The following GOLGA7 variants were observed in gnomAD, a reference collection of about 807,000 sequenced individuals.
The protein encoded by GOLGA7 is golgin A7.
A neutral mutation model predicts 21.1 loss-of-function variants in GOLGA7; 10 were observed. That is an observed-to-expected ratio of 0.47 (90% CI 0.29 to 0.80). GOLGA7 has a LOEUF of 0.80. Ranked by LOEUF, GOLGA7 falls within the 30% of genes least tolerant of loss-of-function variation. GOLGA7 has a pLI of 0.08. For synonymous variants in GOLGA7, 64 were observed against 62.6 expected, an observed-to-expected ratio of 1.02 and a Z score of -0.10; for missense variants, 114 against 166.8, an observed-to-expected ratio of 0.68 and a Z score of 1.74.
intron 1 of GOLGA7, among the ~76,000 whole-genome samples, chr8:41,495,864 G>C (rs913713044): frequency 2.0e-5 from 3 of 152,242 alleles, no homozygotes; most frequent in Non-Finnish European, 4.4e-5. Context: ...TTTGAAATCT[G>C]TTATACAAAG....
chr8:41,505,826 C>A, intron 2 of GOLGA7, 85 bp from the exon 3 acceptor site: 1 of 661,108 alleles, frequency 1.5e-6, no homozygotes, highest in South Asian at 2.0e-5. Context: ...AAAACGAATT[C>A]CCACTGCCTA....
chr8:41,503,198 A>G (rs1806191954), intron 2 of GOLGA7, among the ~76,000 whole-genome samples: 2 of 73,572 alleles, frequency 2.7e-5, no homozygotes, highest in East Asian at 8.6e-4. Context: ...CAATGTTACT[A>G]AAGTTTATAA....
intron 2 of GOLGA7, among the ~76,000 whole-genome samples, chr8:41,499,526 G>A (rs1343675259): frequency 1.3e-5 from 2 of 152,152 alleles, no homozygotes; most frequent in Non-Finnish European, 2.9e-5. Flanking sequence ...CTGGAGTCAG[G>A]CCGCTCGATG....
intron 1 of GOLGA7, among the ~76,000 whole-genome samples, chr8:41,494,761 G>A (rs1805966518): frequency 6.6e-6 from 1 of 152,140 alleles, no homozygotes. Flanking sequence ...TTTGAAAAAT[G>A]GGTAGAGCCA....
chr8:41,506,524 A>G (rs905673937), intron 3 of GOLGA7, among the ~76,000 whole-genome samples: 5 of 152,154 alleles, frequency 3.3e-5, no homozygotes, highest in Non-Finnish European at 7.3e-5. Context: ...AATTTGGTAA[A>G]TAAAATTGCA....
At chr8:41,494,063 A>T (rs1260870187) in intron 1 of GOLGA7, among the ~76,000 whole-genome samples, 2 of 152,126 alleles carry the variant, frequency 1.3e-5, no homozygotes, top group African/African-American at 4.8e-5. Context: ...ACTTTTCTTT[A>T]ACCATTTATC....
At chr8:41,504,175 T>C (rs1432038910) in intron 2 of GOLGA7, among the ~76,000 whole-genome samples, 1 of 149,062 alleles carries the variant, frequency 6.7e-6, no homozygotes, top group Non-Finnish European at 1.5e-5. Context: ...AGCAAAGTTA[T>C]GCTTGAACCA....
At chr8:41,491,757 A>G (rs1019996367) in intron 1 of GOLGA7, among the ~76,000 whole-genome samples, 1 of 151,830 alleles carries the variant, frequency 6.6e-6, no homozygotes, top group African/African-American at 2.4e-5. Context: ...GTGTGCCCAC[A>G]TATGTACATT....
In GOLGA7 at chr8:41,510,089, T is replaced by C. The variant is rs1043869; in HGVS notation, c.*521T>C. On this transcript the variant is annotated 3_prime_UTR_variant, in exon 5 of 5. Transcript: ENST00000357743. The stretch of plus-strand genomic sequence containing the variant: ...CACCTCCCAGATTTCAAAGAATTAC[T>C]GGTTTTACCATGACTCAAATCTTAA... 0.16 allele frequency: 23,868 copies of C among 152,694 alleles called. 2,149 individuals carry two copies. Among genetic ancestry groups the C allele is most frequent in the Middle Eastern group, 0.29 (85 of 294 alleles). 9.5% of individuals were successfully genotyped at this position (152,694 alleles called of 1,614,324 possible).
intron 2 of GOLGA7, among the ~76,000 whole-genome samples, chr8:41,499,125 C>T (rs1388983796): frequency 6.6e-6 from 1 of 152,120 alleles, no homozygotes; most frequent in Non-Finnish European, 1.5e-5. Flanking sequence ...AGGAAAAGTT[C>T]TCTTGTCCCC....
chr8:41,490,996 GGC>G lies in GOLGA7; in HGVS notation c.111+33_111+34del. The stretch of plus-strand genomic sequence containing the variant: ...CAACCTGGCTCCCCACGCCTGCTCT[GGC>G]GAGGGAGAGAGACTCACCGGGGACG... On this transcript the variant is annotated intron_variant, in intron 1 of 4. Transcript: ENST00000357743. 3 of 1,251,036 alleles carry G rather than the reference GGC, an allele frequency of 2.4e-6. No individual in the cohort carries two copies. In the South Asian group the frequency reaches 3.8e-5, roughly 16 times the overall value. 77.5% of individuals were successfully genotyped at this position (1,251,036 alleles called of 1,614,324 possible). A position where few individuals can be genotyped will look rare whatever the true frequency, so the allele number is the denominator to read the frequency against.
chr8:41,490,920 A>G lies in GOLGA7; in HGVS notation c.66A>G (p.Thr22=), dbSNP rs1368518270. ...TTCAGCGAGACTACAGCAGTGGCAC[A>G]CGCTGCCAGTTCCAGACCAAGTTCC... ...VFIQRDYSSG[T]RCQFQTKFPA... The change falls in exon 1 of 5, where the codon ACA becomes ACG. Residue 22 remains threonine, a synonymous_variant. Coordinates refer to ENST00000357743, the MANE Select transcript of GOLGA7 (RefSeq NM_001002296.2). 1 of 1,600,224 alleles carries G rather than the reference A, an allele frequency of 6.2e-7. No individual in the cohort carries two copies. The highest frequency in any genetic ancestry group is 1.1e-5 in the South Asian group (1 of 88,920).
intron 1 of GOLGA7, among the ~76,000 whole-genome samples, chr8:41,494,631 A>G (rs959061893): frequency 6.6e-6 from 1 of 152,160 alleles, no homozygotes; most frequent in Non-Finnish European, 1.5e-5. Flanking sequence ...ACCAGCCTTG[A>G]CACCACATCT....
rs941031139 is a variant in GOLGA7 at position 41,509,771 on chromosome 8, A to G, written c.*203A>G. On this transcript the variant is annotated 3_prime_UTR_variant, in exon 5 of 5. Transcript: ENST00000357743. ...CGCTCAGCATCCACTTTGTGTCTCC[A>G]AATTGTGTAGGACTCTGTAATCTTT... is the stretch of plus-strand genomic sequence containing the variant. The G allele has an allele frequency of 2.0e-5, 3 of 152,672 alleles. No homozygotes were observed. Among genetic ancestry groups the G allele is most frequent in the African/African-American group, 7.2e-5 (3 of 41,450 alleles). 9.5% of individuals were successfully genotyped at this position (152,672 alleles called of 1,614,324 possible).
chr8:41,507,990 T>C (rs1282480532), intron 4 of GOLGA7, among the ~76,000 whole-genome samples: 1 of 152,224 alleles, frequency 6.6e-6, no homozygotes, highest in Non-Finnish European at 1.5e-5. Flanking sequence ...TGCCTGGTAT[T>C]GTACAAATGG....
chr8:41,508,384 A>G (rs970458291), intron 4 of GOLGA7, among the ~76,000 whole-genome samples: 1 of 152,216 alleles, frequency 6.6e-6, no homozygotes, highest in Non-Finnish European at 1.5e-5. Flanking sequence ...CTGAAAGCCA[A>G]AGATCTAAAT....
In GOLGA7 at chr8:41,490,807, C is replaced by A; in HGVS notation, c.-48C>A. 1.9e-6 allele frequency: 2 copies of A among 1,065,258 alleles called. No individual in the cohort carries two copies. Among genetic ancestry groups the A allele is most frequent in the Non-Finnish European group, 2.8e-6 (2 of 708,380 alleles). 66.0% of individuals were successfully genotyped at this position (1,065,258 alleles called of 1,614,324 possible). A position where few individuals can be genotyped will look rare whatever the true frequency, so the allele number is the denominator to read the frequency against. The stretch of plus-strand genomic sequence containing the variant: ...GGGTCCAGGCCGGGGCTCTGACTCG[C>A]GGTTGGTGTTCCCCCGACCCCGCAG... On this transcript the variant is annotated 5_prime_UTR_variant, in exon 1 of 5. Transcript: ENST00000357743.
intron 2 of GOLGA7, among the ~76,000 whole-genome samples, chr8:41,499,797 G>A (rs1230466932): frequency 2.0e-5 from 3 of 152,214 alleles, no homozygotes; most frequent in Non-Finnish European, 4.4e-5. Context: ...AAACAAAAAT[G>A]TCTGTCTTCA....
chr8:41,496,345 G>A (rs1341218018), intron 1 of GOLGA7, among the ~76,000 whole-genome samples: 1 of 151,780 alleles, frequency 6.6e-6, no homozygotes, highest in African/African-American at 2.4e-5. Context: ...CATGAGGTCG[G>A]GTTTGGAATT....
Sources: allele counts gnomAD v4.1 joint callset (sites outside exome capture counted in the v4.1 genomes callset), GRCh38; gene constraint gnomAD v4.1.1; transcripts MANE v1.5; gene names NCBI Gene and HGNC (gene_info 2026-07-23, HGNC 2026-07-21).